Variants in LPXN observed in about 807,000 individuals in gnomAD.
The protein encoded by LPXN is leupaxin.
A neutral mutation model predicts 45.6 loss-of-function variants in LPXN; 28 were observed. That is an observed-to-expected ratio of 0.61 (90% CI 0.45 to 0.84). LPXN has a LOEUF of 0.84. Among genes scored for constraint, LPXN ranks in the 40% least tolerant of loss-of-function variants. LPXN has a pLI of 0.00. For missense variants in LPXN, 459 were observed against 475.0 expected (o/e 0.97, Z 0.31); for synonymous variants, 166 against 169.9 (o/e 0.98, Z 0.18).
Position 58,527,500 on chromosome 11 carries a change from T to C in LPXN, c.1115A>G (p.Asp372Gly), listed in dbSNP as rs775951338. The C allele has an allele frequency of 1.9e-6, 3 of 1,614,236 alleles. No homozygotes were observed. The South Asian group carries it at 3.3e-5, about 18-fold the overall frequency. ...LSKGIFREQN[D>G]KTYCQPCFNK... ...GAAGCAAGGTTGACAATAGGTCTTG[T>C]CATTCTGCTCCCTGAAAATGCCCTT... The change falls in exon 9 of 9, where the codon GAC becomes GGC. Residue 372 changes from aspartate (D) to glycine (G), a missense_variant. Physicochemically the swap from Asp to Gly is moderately conservative, Grantham distance 94. Coordinates refer to ENST00000395074, the MANE Select transcript of LPXN (RefSeq NM_004811.3).
intron 4 of LPXN, among the ~76,000 whole-genome samples, chr11:58,552,047 C>T (rs1375435121): frequency 6.6e-6 from 1 of 152,076 alleles, no homozygotes; most frequent in Non-Finnish European, 1.5e-5. Context: ...ATGGTAAACG[C>T]TTGGGTTTTA....
upstream of LPXN, chr11:58,577,980 G>T (rs1854956773): frequency 6.5e-7 from 1 of 1,548,184 alleles, no homozygotes; most frequent in African/African-American, 1.4e-5. Flanking sequence ...AGATTTAGTC[G>T]CTGACCTCTA....
chr11:58,537,558 T>C lies in LPXN; in HGVS notation c.743-9367A>G, dbSNP rs1164654095. On this transcript the variant is annotated intron_variant, in intron 7 of 8. Transcript: ENST00000395074. ...ATAGCATTAGGAGAAATACCTAATG[T>C]AGATGATGGGTTGATGGGTGCAGCA... Among the ~76,000 whole-genome samples the C allele has an allele frequency of 4.6e-5, 7 of 151,952 alleles. No individual in the cohort carries two copies. The East Asian group carries it at 1.2e-3, about 26-fold the overall frequency.
At position 58,527,231 on chromosome 11, in the gene LPXN, G is replaced by A; in HGVS notation, c.*223C>T. ...TAACTCCAAGTGCTTGATTGGAGAA[G>A]AGAGGGAGAAAGAGAATTTATAGAA... On this transcript the variant is annotated 3_prime_UTR_variant, in exon 9 of 9. Coordinates refer to ENST00000395074, the MANE Select transcript of LPXN (RefSeq NM_004811.3). The A allele has an allele frequency of 2.0e-6, 1 of 510,458 alleles. No individual in the cohort carries two copies. The highest frequency in any genetic ancestry group is 3.5e-6 in the Non-Finnish European group (1 of 284,806). 31.6% of individuals were successfully genotyped at this position (510,458 alleles called of 1,614,324 possible).
chr11:58,557,680 G>A lies in LPXN; in HGVS notation c.219-2740C>T, dbSNP rs1457596728. Among the ~76,000 whole-genome samples the A allele has an allele frequency of 2.6e-5, 4 of 152,120 alleles. No homozygotes were observed. In the East Asian group the frequency reaches 7.7e-4, roughly 29 times the overall value. Reference sequence around the variant, plus strand: ...AAATTGTATCGTATTTAGGATTCCTGTTGCAAGAGTAAATTTTGGCTGTTC... The same window carrying A: ...AAATTGTATCGTATTTAGGATTCCTATTGCAAGAGTAAATTTTGGCTGTTC... On this transcript the variant is annotated intron_variant, in intron 3 of 8. Transcript: ENST00000395074.
chr11:58,535,986 A>G (rs2064911945), intron 7 of LPXN, among the ~76,000 whole-genome samples: 1 of 152,218 alleles, frequency 6.6e-6, no homozygotes, highest in Non-Finnish European at 1.5e-5. Context: ...AGAACTACAA[A>G]CCACTGTTCA....
At chr11:58,531,968 C>G (rs1346983465) in intron 7 of LPXN, among the ~76,000 whole-genome samples, 4 of 152,264 alleles carry the variant, frequency 2.6e-5, no homozygotes, top group African/African-American at 7.2e-5. Context: ...CGGGCAGGAA[C>G]TGGGGCTGCA....
Position 58,527,013 on chromosome 11 carries a change from T to G in LPXN, c.*441A>C, listed in dbSNP as rs1853244531. 1 of 161,408 alleles carries G rather than the reference T, an allele frequency of 6.2e-6. No homozygotes were observed. The highest frequency in any genetic ancestry group is 1.7e-4 in the South Asian group (1 of 6,022). The allele number at this position is 161,408 out of a possible 1,614,324, so 10.0% of individuals were successfully genotyped here. A position where few individuals can be genotyped will look rare whatever the true frequency, so the allele number is the denominator to read the frequency against. On this transcript the variant is annotated 3_prime_UTR_variant, in exon 9 of 9. Transcript: ENST00000395074. ...AAGTGGTATCATGATTCCACAGCAG[T>G]GATTGTAAGACAGTGAGCCACAGGG...
rs1262921890 is a variant in LPXN at position 58,540,340 on chromosome 11, C to G, written c.742+9446G>C. Among the ~76,000 whole-genome samples, 3 of 152,124 alleles carry G rather than the reference C, an allele frequency of 2.0e-5. No homozygotes were observed. In the East Asian group the frequency reaches 5.8e-4, roughly 29 times the overall value. ...AGACAAAACAGCAAAATGCAATGCA[C>G]TGACCTTGCTGAGATCCTGATTCAA... On this transcript the variant is annotated intron_variant, in intron 7 of 8. Transcript: ENST00000395074.
chr11:58,546,128 T>G (rs185411056), intron 7 of LPXN, among the ~76,000 whole-genome samples: 559 of 152,258 alleles, frequency 3.7e-3, no homozygotes, highest in Middle Eastern at 6.8e-3. Flanking sequence ...AACTAAATTT[T>G]CAAGAATTTA....
At chr11:58,533,332 A>G (rs1437118524) in intron 7 of LPXN, among the ~76,000 whole-genome samples, 1 of 152,238 alleles carries the variant, frequency 6.6e-6, no homozygotes, top group Admixed American at 6.5e-5. Flanking sequence ...ATCTCTTGGC[A>G]GAAACTGTAC....
chr11:58,575,954 TC>T (rs1338722920), upstream of LPXN: 3 of 1,402,888 alleles, frequency 2.1e-6, no homozygotes, highest in Non-Finnish European at 1.9e-6. Context: ...TTTTTTTTTT[TC>T]ATAGGTTACA....
intron 2 of LPXN, among the ~76,000 whole-genome samples, chr11:58,570,309 TA>T (rs1420817128): frequency 3.7e-5 from 5 of 135,594 alleles, no homozygotes; most frequent in Admixed American, 2.2e-4. Flanking sequence ...TCTCAAAAAA[TA>T]AAAAAAAAAT....
intron 4 of LPXN, among the ~76,000 whole-genome samples, chr11:58,553,402 A>G (rs2120351214): frequency 3.3e-5 from 5 of 152,180 alleles, no homozygotes; most frequent in Admixed American, 3.3e-4. Context: ...TACACAAGCT[A>G]AATCAACTAG....
chr11:58,553,113 G>A (rs564901814), intron 4 of LPXN, among the ~76,000 whole-genome samples: 78 of 152,116 alleles, frequency 5.1e-4, no homozygotes, highest in South Asian at 1.2e-3. Context: ...AGGCAGACAG[G>A]TGGCCTGAGC....
intron 7 of LPXN, among the ~76,000 whole-genome samples, chr11:58,549,550 T>G (rs916273627): frequency 1.3e-5 from 2 of 152,224 alleles, no homozygotes; most frequent in Non-Finnish European, 2.9e-5. Context: ...ATATTACCCT[T>G]GAAGTAATAT....
intron 7 of LPXN, among the ~76,000 whole-genome samples, chr11:58,535,350 C>T (rs529592467): frequency 8.5e-5 from 13 of 152,122 alleles, no homozygotes; most frequent in Non-Finnish European, 1.5e-4. Context: ...ATACCTGGGA[C>T]GCAAGGCTGG....
At chr11:58,571,342 A>AAAATAAAT (rs59215664) in intron 1 of LPXN, among the ~76,000 whole-genome samples, 4,315 of 147,062 alleles carry the variant, frequency 0.029, 71 homozygotes, top group African/African-American at 0.039. Flanking sequence ...CCTGTCTCAA[A>AAAATAAAT]AAATAAATAA....
intron 2 of LPXN, among the ~76,000 whole-genome samples, chr11:58,564,450 C>T (rs1854469884): frequency 1.3e-5 from 2 of 152,084 alleles, no homozygotes; most frequent in African/African-American, 2.4e-5. Flanking sequence ...TAAAAACCAC[C>T]CAAATAGAGA....
Sources: gnomAD v4.1 joint callset for allele counts (sites outside exome capture counted in the v4.1 genomes callset) on GRCh38, gnomAD v4.1.1 for gene constraint, MANE v1.5 for transcripts, NCBI Gene and HGNC (gene_info 2026-07-23, HGNC 2026-07-21) for gene names.